The following CDA variants were observed in gnomAD, a reference collection of about 807,000 sequenced individuals.
The protein encoded by CDA is cytidine aminohydrolase.
Under a neutral mutation model 15.0 loss-of-function variants are expected in CDA, and 7 were observed. That is an observed-to-expected ratio of 0.47 (90% confidence interval 0.26 to 0.87). The LOEUF (loss-of-function observed/expected upper bound fraction) is 0.87. CDA is among the 40% of genes least tolerant of loss of function. The pLI, the probability that CDA is intolerant of heterozygous loss-of-function variation, is 0.15. For missense variants in CDA, 159 were observed against 182.7 expected, an observed-to-expected ratio of 0.87 and a Z score of 0.75; for synonymous variants, 58 against 73.0, an observed-to-expected ratio of 0.79 and a Z score of 1.05.
At chr1:20,605,145 G>A in intron 2 of CDA, 106 bp downstream of exon 2, 1 of 783,786 alleles carries the variant, frequency 1.3e-6, no homozygotes. Context: ...TGTTTATTGT[G>A]GACTTCCTAT....
intron 1 of CDA, among the ~76,000 whole-genome samples, chr1:20,603,077 G>T (rs1163649343): frequency 6.6e-6 from 1 of 152,184 alleles, no homozygotes; most frequent in Non-Finnish European, 1.5e-5. Flanking sequence ...TGCAGGTGGA[G>T]CTTTACCAAA....
intron 1 of CDA, among the ~76,000 whole-genome samples, chr1:20,589,923 C>T (rs1043659072): frequency 3.3e-5 from 5 of 151,284 alleles, no homozygotes; most frequent in East Asian, 3.9e-4. Flanking sequence ...CAGCGCCCTG[C>T]GGGGCGGGGG....
chr1:20,611,866 G>T (rs778311744), intron 2 of CDA, among the ~76,000 whole-genome samples: 2 of 151,574 alleles, frequency 1.3e-5, no homozygotes, highest in Non-Finnish European at 2.9e-5. Flanking sequence ...CTGTTTTTTT[G>T]TTTGTTTGTT....
chr1:20,589,850 G>A (rs2052532974), intron 1 of CDA, among the ~76,000 whole-genome samples: 1 of 152,168 alleles, frequency 6.6e-6, no homozygotes, highest in Admixed American at 6.5e-5. Context: ...TGTTTGTCGG[G>A]GGTGGTCGGT....
At chr1:20,601,982 G>A in intron 1 of CDA, among the ~76,000 whole-genome samples, 1 of 152,024 alleles carries the variant, frequency 6.6e-6, no homozygotes, top group Non-Finnish European at 1.5e-5. Flanking sequence ...TTAGCCAGGT[G>A]TGGTGATGTA....
At chr1:20,612,978 C>G (rs906311144) in intron 2 of CDA, among the ~76,000 whole-genome samples, 1 of 149,346 alleles carries the variant, frequency 6.7e-6, no homozygotes, top group Non-Finnish European at 1.5e-5. Flanking sequence ...TTGGTGGACT[C>G]TCTTTACACA....
chr1:20,607,044 C>T (rs1391231413), intron 2 of CDA, among the ~76,000 whole-genome samples: 3 of 152,184 alleles, frequency 2.0e-5, no homozygotes, highest in East Asian at 1.9e-4. Flanking sequence ...GCATAGGTCA[C>T]ATTCTGTGAG....
At chr1:20,591,426 G>A (rs2052548043) in intron 1 of CDA, among the ~76,000 whole-genome samples, 1 of 152,194 alleles carries the variant, frequency 6.6e-6, no homozygotes, top group African/African-American at 2.4e-5. Context: ...TCCTTCCAGT[G>A]AAGTCCACAC....
intron 3 of CDA, 146 bp downstream of exon 3, chr1:20,614,045 C>A: frequency 1.4e-6 from 1 of 702,586 alleles, no homozygotes; most frequent in Non-Finnish European, 2.6e-6. Context: ...ACTTCTAAGG[C>A]CTCCCTACGC....
intron 1 of CDA, among the ~76,000 whole-genome samples, chr1:20,601,339 C>T (rs1308522633): frequency 6.6e-6 from 1 of 152,188 alleles, no homozygotes; most frequent in Non-Finnish European, 1.5e-5. Context: ...ATGCCCATAG[C>T]AAGGTCATAG....
chr1:20,609,280 C>T (rs760269316), intron 2 of CDA, among the ~76,000 whole-genome samples: 8 of 152,060 alleles, frequency 5.3e-5, no homozygotes, highest in Non-Finnish European at 8.8e-5. Flanking sequence ...GTCAGGAGAT[C>T]GAGACCATCC....
At chr1:20,609,729 G>T (rs2052729531) in intron 2 of CDA, among the ~76,000 whole-genome samples, 1 of 152,160 alleles carries the variant, frequency 6.6e-6, no homozygotes, top group African/African-American at 2.4e-5. Context: ...GAAGGATTTT[G>T]GTCGACATGT....
intron 1 of CDA, among the ~76,000 whole-genome samples, chr1:20,597,309 G>A (rs562207838): frequency 1.3e-5 from 2 of 152,270 alleles, no homozygotes; most frequent in East Asian, 1.9e-4. Context: ...AATTAGCCGG[G>A]TGTGGTATGC....
At chr1:20,602,697 GGCTTGA>G (rs200979059) in intron 1 of CDA, among the ~76,000 whole-genome samples, 2,581 of 152,280 alleles carry the variant, frequency 0.017, 72 homozygotes, top group African/African-American at 0.059. Flanking sequence ...TGGGATTATA[GGCTTGA>G]GCCACCATGC....
chr1:20,603,886 T>C (rs918470249), intron 1 of CDA, among the ~76,000 whole-genome samples: 5 of 152,132 alleles, frequency 3.3e-5, no homozygotes, highest in African/African-American at 1.2e-4. Context: ...CAGCCTTGGC[T>C]TATTGTCCCC....
chr1:20,600,061 T>C (rs954213710), intron 1 of CDA, among the ~76,000 whole-genome samples: 4 of 152,198 alleles, frequency 2.6e-5, no homozygotes, highest in African/African-American at 9.7e-5. Flanking sequence ...CATGTGAGTG[T>C]GCCCCCTGCC....
chr1:20,613,362 G>C (rs2052771622), intron 2 of CDA, among the ~76,000 whole-genome samples: 1 of 152,062 alleles, frequency 6.6e-6, no homozygotes, highest in Non-Finnish European at 1.5e-5. Flanking sequence ...CCACCACCAA[G>C]CCTGGGTAAT....
intron 1 of CDA, among the ~76,000 whole-genome samples, chr1:20,598,345 G>A (rs769638412): frequency 1.3e-5 from 2 of 152,198 alleles, no homozygotes; most frequent in Non-Finnish European, 2.9e-5. Context: ...TGTTCAAGGC[G>A]CCATCTTGGA....
At chr1:20,615,488 A>G in intron 3 of CDA, among the ~76,000 whole-genome samples, 1 of 149,334 alleles carries the variant, frequency 6.7e-6, no homozygotes, top group Non-Finnish European at 1.5e-5. Context: ...AAAAAAAAGG[A>G]ATAAAACAAA....
Sources: allele counts gnomAD v4.1 joint callset (sites outside exome capture counted in the v4.1 genomes callset), GRCh38; gene constraint gnomAD v4.1.1; transcripts MANE v1.5; gene names NCBI Gene and HGNC (gene_info 2026-07-23, HGNC 2026-07-21).